FERRY3: variants seen among roughly 807,000 people sequenced by gnomAD.
The protein encoded by FERRY3 is FERRY endosomal RAB5 effector complex subunit 3.
chr12:4,512,639 C>A, the FERRY3 span, among the ~76,000 whole-genome samples: 1 of 150,424 alleles, frequency 6.6e-6, no homozygotes, highest in African/African-American at 2.5e-5. Context: ...AAGACAAAAA[C>A]CACATGATTA....
chr12:4,504,002 A>C, the FERRY3 span, among the ~76,000 whole-genome samples: 3 of 152,230 alleles, frequency 2.0e-5, no homozygotes, highest in African/African-American at 7.2e-5. Context: ...AGGTATTTTT[A>C]GATGAAGAGG....
the FERRY3 span, among the ~76,000 whole-genome samples, chr12:4,523,921 C>T: frequency 6.6e-6 from 1 of 151,930 alleles, no homozygotes; most frequent in East Asian, 1.9e-4. Flanking sequence ...AACAAACCTG[C>T]ACGTTGTGCA....
At chr12:4,521,612 C>T in the FERRY3 span, among the ~76,000 whole-genome samples, 2 of 152,096 alleles carry the variant, frequency 1.3e-5, no homozygotes, top group Admixed American at 6.5e-5. Context: ...ATCAAAACAT[C>T]GTATCAGACC....
At chr12:4,528,668 A>G in the FERRY3 span, among the ~76,000 whole-genome samples, 1 of 152,280 alleles carries the variant, frequency 6.6e-6, no homozygotes, top group African/African-American at 2.4e-5. Flanking sequence ...TCTATGCAAT[A>G]TAATAAATAT....
At chr12:4,520,093 A>G in the FERRY3 span, among the ~76,000 whole-genome samples, 2 of 152,238 alleles carry the variant, frequency 1.3e-5, no homozygotes, top group Non-Finnish European at 2.9e-5. Flanking sequence ...GGATGCTGTC[A>G]TACAAGGGGG....
the FERRY3 span, among the ~76,000 whole-genome samples, chr12:4,516,064 A>G: frequency 6.6e-6 from 1 of 152,192 alleles, no homozygotes. Context: ...TTTTAAAAGA[A>G]CCAAAAATAA....
chr12:4,507,615 T>C, the FERRY3 span, among the ~76,000 whole-genome samples: 1 of 152,218 alleles, frequency 6.6e-6, no homozygotes, highest in Non-Finnish European at 1.5e-5. Flanking sequence ...TTAGTAGTCA[T>C]TACTACTTAT....
the FERRY3 span, among the ~76,000 whole-genome samples, chr12:4,494,943 T>A: frequency 6.6e-6 from 1 of 152,240 alleles, no homozygotes; most frequent in Non-Finnish European, 1.5e-5. Flanking sequence ...TTCCAATCCA[T>A]GAGTACGGGA....
chr12:4,535,240 C>A, the FERRY3 span, among the ~76,000 whole-genome samples: 1 of 152,192 alleles, frequency 6.6e-6, no homozygotes, highest in Non-Finnish European at 1.5e-5. The surrounding 1 kb of genome is among the most constrained non-coding windows in gnomAD (Gnocchi z 4.0). Context: ...GCATTAGAAA[C>A]CCCTGGAGGC....
At chr12:4,523,946 C>T in the FERRY3 span, among the ~76,000 whole-genome samples, 59 of 151,724 alleles carry the variant, frequency 3.9e-4, no homozygotes, top group African/African-American at 1.4e-3. Flanking sequence ...TACCCTAGAA[C>T]TTAAAGTATA....
the FERRY3 span, among the ~76,000 whole-genome samples, chr12:4,510,148 A>C: frequency 7.2e-6 from 1 of 139,098 alleles, no homozygotes; most frequent in African/African-American, 3.1e-5. Flanking sequence ...GGTATCAGCA[A>C]TGGAAGATGA....
the FERRY3 span, among the ~76,000 whole-genome samples, chr12:4,498,163 A>G: frequency 1.3e-5 from 2 of 152,236 alleles, no homozygotes; most frequent in Non-Finnish European, 2.9e-5. Flanking sequence ...TAGTAGTATC[A>G]GATGTCTGGA....
At chr12:4,523,356 T>C in the FERRY3 span, among the ~76,000 whole-genome samples, 1 of 152,258 alleles carries the variant, frequency 6.6e-6, no homozygotes, top group African/African-American at 2.4e-5. Context: ...TTTTACACTG[T>C]TGGTGGGACT....
the FERRY3 span, among the ~76,000 whole-genome samples, chr12:4,490,983 G>T: frequency 6.6e-6 from 1 of 152,106 alleles, no homozygotes; most frequent in Non-Finnish European, 1.5e-5. Flanking sequence ...GTATTTCAAA[G>T]GGGCTGGAGA....
the FERRY3 span, among the ~76,000 whole-genome samples, chr12:4,502,143 T>G: frequency 1.3e-5 from 2 of 152,234 alleles, no homozygotes; most frequent in Admixed American, 1.3e-4. This position sits in a 1 kb window ranked among gnomAD's most constrained non-coding sequence, Gnocchi z 4.2. Flanking sequence ...TCCTATGTAC[T>G]AGTGGTCTCC....
the FERRY3 span, chr12:4,518,965 A>G: frequency 1.2e-6 from 1 of 851,418 alleles, no homozygotes. Flanking sequence ...AGAAAACTGA[A>G]CAGCTGAAAG....
At chr12:4,509,970 CA>C in the FERRY3 span, among the ~76,000 whole-genome samples, 1 of 137,576 alleles carries the variant, frequency 7.3e-6, no homozygotes, top group Middle Eastern at 3.5e-3. Context: ...ACATTCAAAC[CA>C]AAGGCAAAGA....
At chr12:4,497,179 C>T in the FERRY3 span, among the ~76,000 whole-genome samples, 3 of 152,156 alleles carry the variant, frequency 2.0e-5, no homozygotes, top group Non-Finnish European at 4.4e-5. Context: ...GTGGTCTAGT[C>T]ACACAATAAT....
chr12:4,528,938 C>T, the FERRY3 span, among the ~76,000 whole-genome samples: 1 of 118,682 alleles, frequency 8.4e-6, no homozygotes, highest in Admixed American at 8.5e-5. Flanking sequence ...CACACACACA[C>T]AAACAAAAGT....
Sources: allele counts gnomAD v4.1 joint callset (sites outside exome capture counted in the v4.1 genomes callset), GRCh38; gene constraint gnomAD v4.1.1; non-coding constraint Gnocchi (gnomAD v3.1); transcripts MANE v1.5; gene names NCBI Gene and HGNC (gene_info 2026-07-23, HGNC 2026-07-21).